The following PLPPR5 variants were observed in gnomAD, a reference collection of about 807,000 sequenced individuals.
The protein encoded by PLPPR5 is phospholipid phosphatase related 5, also known as phospholipid phosphatase-related protein type 5.
A neutral mutation model predicts 33.9 loss-of-function variants in PLPPR5; 16 were observed. That is an observed-to-expected ratio of 0.47 (90% confidence interval 0.32 to 0.72). The LOEUF (loss-of-function observed/expected upper bound fraction) is 0.72, where lower values mean the gene tolerates loss of function less well. Among genes scored for constraint, PLPPR5 ranks in the 30% least tolerant of loss-of-function variants. The pLI is 0.03. For missense variants in PLPPR5, 301 were observed against 406.7 expected (o/e 0.74, Z 2.23); for synonymous variants, 163 against 150.3 (o/e 1.08, Z -0.62).
intron 3 of PLPPR5, among the ~76,000 whole-genome samples, chr1:98,948,448 C>T (rs569476018): frequency 6.6e-6 from 1 of 152,200 alleles, no homozygotes; most frequent in African/African-American, 2.4e-5. Context: ...TCGTTTAATG[C>T]CACAAATTCT....
chr1:98,930,251 T>G (rs1443697998), intron 3 of PLPPR5, among the ~76,000 whole-genome samples: 2 of 152,162 alleles, frequency 1.3e-5, no homozygotes, highest in African/African-American at 4.8e-5. Context: ...ATTAATAGTA[T>G]AACAATAAAA....
intron 3 of PLPPR5, among the ~76,000 whole-genome samples, chr1:98,923,002 CA>C (rs199904821): frequency 3.3e-5 from 5 of 150,680 alleles, no homozygotes; most frequent in Non-Finnish European, 5.9e-5. Flanking sequence ...ACAACAACAA[CA>C]AAAAAAAACC....
chr1:98,910,720 T>A (rs1024539502), intron 5 of PLPPR5, among the ~76,000 whole-genome samples: 1 of 151,998 alleles, frequency 6.6e-6, no homozygotes, highest in Admixed American at 6.6e-5. Flanking sequence ...CCACAGCAGG[T>A]GCACTAACAC....
intron 3 of PLPPR5, among the ~76,000 whole-genome samples, chr1:98,941,282 G>A (rs1650358652): frequency 6.6e-6 from 1 of 151,784 alleles, no homozygotes; most frequent in African/African-American, 2.4e-5. Context: ...CTCAAATAGA[G>A]GGAATAATTA....
At chr1:98,936,912 C>A (rs1650185232) in intron 3 of PLPPR5, among the ~76,000 whole-genome samples, 2 of 152,158 alleles carry the variant, frequency 1.3e-5, no homozygotes, top group African/African-American at 2.4e-5. Flanking sequence ...GTTGTTTGAA[C>A]CAATCAACCT....
chr1:98,937,986 C>G (rs1467863779), intron 3 of PLPPR5, among the ~76,000 whole-genome samples: 1 of 151,842 alleles, frequency 6.6e-6, no homozygotes, highest in Non-Finnish European at 1.5e-5. Context: ...TCAAAGAATG[C>G]CCACCTATAT....
intron 3 of PLPPR5, among the ~76,000 whole-genome samples, chr1:98,949,563 G>A (rs1650700129): frequency 6.6e-6 from 1 of 152,046 alleles, no homozygotes; most frequent in South Asian, 2.1e-4. Context: ...TTTCCACAGA[G>A]GATATTGAAT....
intron 5 of PLPPR5, among the ~76,000 whole-genome samples, chr1:98,902,287 A>G (rs1648722275): frequency 6.6e-6 from 1 of 152,124 alleles, no homozygotes; most frequent in African/African-American, 2.4e-5. Flanking sequence ...ATGTGAATAA[A>G]GGCAATAAAA....
chr1:98,967,058 A>G (rs1157710393), intron 1 of PLPPR5, among the ~76,000 whole-genome samples: 1 of 152,094 alleles, frequency 6.6e-6, no homozygotes, highest in African/African-American at 2.4e-5. Flanking sequence ...TACATTGTAA[A>G]TTTGTCAAGA....
intron 3 of PLPPR5, among the ~76,000 whole-genome samples, chr1:98,926,447 AGTGT>A (rs60874366): frequency 0.33 from 43,932 of 132,260 alleles, 7,134 homozygotes; most frequent in East Asian, 0.45. Context: ...AGGTTTGATT[AGTGT>A]GTGTGTGTGT....
At chr1:98,977,648 T>C (rs1651908782) in intron 1 of PLPPR5, among the ~76,000 whole-genome samples, 1 of 151,276 alleles carries the variant, frequency 6.6e-6, no homozygotes, top group South Asian at 2.1e-4. Flanking sequence ...TTGAACCTTA[T>C]CTGGTTCCTC....
At chr1:98,925,322 T>C (rs143314348) in intron 3 of PLPPR5, among the ~76,000 whole-genome samples, 14 of 152,136 alleles carry the variant, frequency 9.2e-5, no homozygotes, top group African/African-American at 2.4e-5. Context: ...TCCTCTAGGG[T>C]CAGTAGATGC....
chr1:98,891,431 A>G lies in PLPPR5; in HGVS notation c.*1641T>C, dbSNP rs1431430276. 6.6e-6 allele frequency: 1 copy of G among 152,138 alleles called. No individual in the cohort carries two copies. The highest frequency in any genetic ancestry group is 1.5e-5 in the Non-Finnish European group (1 of 68,024). The allele number at this position is 152,138 out of a possible 1,614,324, so 9.4% of individuals were successfully genotyped here. On this transcript the variant is annotated 3_prime_UTR_variant, in exon 6 of 6. Coordinates refer to ENST00000263177, the MANE Select transcript of PLPPR5 (RefSeq NM_001037317.2). ...ATTTCAGTCAATTACTGCCAAAGTT[A>G]CTTTGCCATATAAGCCAAAGTTACT...
intron 2 of PLPPR5, among the ~76,000 whole-genome samples, chr1:98,954,562 A>T (rs991127013): frequency 6.6e-6 from 1 of 152,130 alleles, no homozygotes; most frequent in African/African-American, 2.4e-5. Flanking sequence ...TTTTTGAAAT[A>T]TTATATAAGA....
At chr1:98,968,733 T>A (rs1042040167) in intron 1 of PLPPR5, among the ~76,000 whole-genome samples, 1 of 151,728 alleles carries the variant, frequency 6.6e-6, no homozygotes, top group African/African-American at 2.4e-5. Flanking sequence ...GAAAAAAAAA[T>A]TTAAAAAATG....
chr1:98,948,652 C>G (rs1650649132), intron 3 of PLPPR5, among the ~76,000 whole-genome samples: 1 of 152,048 alleles, frequency 6.6e-6, no homozygotes, highest in Non-Finnish European at 1.5e-5. Flanking sequence ...GGGTCATTAC[C>G]CTATTGGAAG....
chr1:98,910,911 C>A (rs1256228245), intron 5 of PLPPR5, among the ~76,000 whole-genome samples: 1 of 143,508 alleles, frequency 7.0e-6, no homozygotes, highest in African/African-American at 2.6e-5. Flanking sequence ...TTTTTCTCAT[C>A]GGTGTTAGAA....
At chr1:98,900,475 A>G (rs1648656650) in intron 5 of PLPPR5, among the ~76,000 whole-genome samples, 1 of 152,182 alleles carries the variant, frequency 6.6e-6, no homozygotes, top group South Asian at 2.1e-4. Flanking sequence ...CCCACGAGAC[A>G]TATCATAGTG....
chr1:98,959,715 C>T (rs1351516304), intron 1 of PLPPR5, among the ~76,000 whole-genome samples: 2 of 152,106 alleles, frequency 1.3e-5, no homozygotes. Flanking sequence ...GGAAACAGTT[C>T]AACTGATAAG....
Sources: gnomAD v4.1 joint callset for allele counts (sites outside exome capture counted in the v4.1 genomes callset) on GRCh38, gnomAD v4.1.1 for gene constraint, MANE v1.5 for transcripts, NCBI Gene and HGNC (gene_info 2026-07-23, HGNC 2026-07-21) for gene names.